The following ALOX15 variants were observed in gnomAD, a reference collection of about 807,000 sequenced individuals.
The protein encoded by ALOX15 is arachidonate 15-lipoxygenase, also known as polyunsaturated fatty acid lipoxygenase ALOX15.
A neutral mutation model predicts 71.7 loss-of-function variants in ALOX15; 68 were observed. That is an observed-to-expected ratio of 0.95 (90% CI 0.78 to 1.16). The LOEUF is 1.16. ALOX15 is among the 50% of genes most tolerant of loss of function. The pLI, the probability that ALOX15 is intolerant of heterozygous loss-of-function variation, is 0.00. For missense variants in ALOX15, 798 were observed against 818.8 expected (o/e 0.97, Z 0.31); for synonymous variants, 346 against 333.3 (o/e 1.04, Z -0.42).
chr17:4,639,200 A>T, intron 2 of ALOX15, 68 bp from the exon 3 acceptor site: 1 of 1,580,234 alleles, frequency 6.3e-7, no homozygotes, highest in Non-Finnish European at 8.7e-7. Flanking sequence ...CTGCCAGGAG[A>T]GCCTCAGCAC....
In ALOX15 at chr17:4,632,076, CAG is replaced by C. The variant is rs1910924860; in HGVS notation, c.1642-22_1642-21del. ...GTCCAGCTAAGGAAGGGCAGGGATCCAGAGTCAGTGCCTACCAAGCACGCGAG... is the reference window on the plus strand; with the variant it reads ...GTCCAGCTAAGGAAGGGCAGGGATCCAGTCAGTGCCTACCAAGCACGCGAG... On this transcript the variant is annotated intron_variant, in intron 12 of 13. Coordinates refer to ENST00000293761, the MANE Select transcript of ALOX15 (RefSeq NM_001140.5). 1 of 1,609,678 alleles carries C rather than the reference CAG, an allele frequency of 6.2e-7. No homozygotes were observed. The highest frequency in any genetic ancestry group is 1.1e-5 in the South Asian group (1 of 90,610).
rs370783110 is a variant in ALOX15 at position 4,637,232 on chromosome 17, G to A, written c.834C>T (p.Phe278=). 9 of 1,613,566 alleles carry A rather than the reference G, an allele frequency of 5.6e-6. No homozygotes were observed. The African/African-American group carries it at 9.3e-5, about 17-fold the overall frequency. ...LEGGTLFEAD[F]SLLDGIKANV... ...TGGCCTTGATCCCATCCAGCAGGGA[G>A]AAGTCAGCTTCGAACAGTGTGCCTC... The change falls in exon 7 of 14, where the codon TTC becomes TTT. Residue 278 remains phenylalanine, a synonymous_variant. Transcript: ENST00000293761.
At chr17:4,636,067 C>T (rs1911085616) in intron 7 of ALOX15, 99 bp from the exon 8 acceptor site, 1 of 1,296,666 alleles carries the variant, frequency 7.7e-7, no homozygotes, top group Non-Finnish European at 1.1e-6. Context: ...GTCCTCCAAA[C>T]CTGTTCTGCT....
chr17:4,631,489 AG>A lies in ALOX15; in HGVS notation c.*110del, dbSNP rs1910893617. On this transcript the variant is annotated 3_prime_UTR_variant, in exon 14 of 14. Coordinates refer to ENST00000293761, the MANE Select transcript of ALOX15 (RefSeq NM_001140.5). ...ACCATGAAAAGGTGCCCCTCTAGGG[AG>A]GGTGGGACATGGGAAGAGGGTGGGA... 1.5e-6 allele frequency: 2 copies of A among 1,324,944 alleles called. No homozygotes were observed. The highest frequency in any genetic ancestry group is 2.0e-6 in the Non-Finnish European group (2 of 978,304). 82.1% of individuals were successfully genotyped at this position (1,324,944 alleles called of 1,614,324 possible).
At chr17:4,633,593 C>G in intron 8 of ALOX15, 93 bp from the exon 9 acceptor site, 1 of 1,097,598 alleles carries the variant, frequency 9.1e-7, no homozygotes, top group South Asian at 1.3e-5. Flanking sequence ...GGCACCAGGT[C>G]TTCAGAAAAA....
At position 4,638,596 on chromosome 17, in the gene ALOX15, GACCAC is replaced by G. The variant is rs1567648521; in HGVS notation, c.626_630del (p.Cys209SerfsTer6). 6.2e-7 allele frequency: 1 copy of G among 1,614,104 alleles called. No homozygotes were observed. Among genetic ancestry groups the G allele is most frequent in the Non-Finnish European group, 8.5e-7 (1 of 1,180,020 alleles). ...GGGGACTGACCAGCCAGCTTGCTCT[GACCAC>G]ACCAGAAAATCCGGTTGAAGTCATC... is the stretch of plus-strand genomic sequence containing the variant. On this transcript the variant is annotated frameshift_variant, in exon 5 of 14. Coordinates refer to ENST00000293761, the MANE Select transcript of ALOX15 (RefSeq NM_001140.5). LOFTEE classifies it high-confidence loss of function.
chr17:4,631,848 A>G lies in ALOX15; in HGVS notation c.1809+41T>C, dbSNP rs113890558. 5.3e-5 allele frequency: 85 copies of G among 1,608,110 alleles called. 2 individuals carry two copies. In the African/African-American group the frequency reaches 6.9e-4, roughly 13 times the overall value. On this transcript the variant is annotated intron_variant, in intron 13 of 13. Coordinates refer to ENST00000293761, the MANE Select transcript of ALOX15 (RefSeq NM_001140.5). ...AGTCTGGGATGCCACACGTCCCCAC[A>G]GCTGCCTCCTTCCTTAGGGCCCTGG...
rs991653427 is a variant in ALOX15, at chr17:4,638,350, T to C, written c.674A>G (p.Asp225Gly). The part of the protein sequence containing the change: ...AERVRDSWKE[D>G]ALFGYQFLNG... ...AAGAAACTGGTACCCAAATAAGGCA[T>C]CTTCCTTCCAGGAGTCCCGCACGCG... Residue 225 changes from aspartate (D) to glycine (G), a missense_variant, in exon 6 of 14, where the codon GAT (aspartate) becomes GGT (glycine). By Grantham distance (94) the Asp-to-Gly change is moderately conservative. Transcript: ENST00000293761. The C allele has an allele frequency of 1.6e-5, 15 of 928,976 alleles. No homozygotes were observed. Among genetic ancestry groups the C allele is most frequent in the Non-Finnish European group, 2.5e-5 (15 of 601,876 alleles). The allele number at this position is 928,976 out of a possible 1,614,324, so 57.5% of individuals were successfully genotyped here. A position where few individuals can be genotyped will look rare whatever the true frequency, so the allele number is the denominator to read the frequency against.
At position 4,633,279 on chromosome 17, in the gene ALOX15, G is replaced by C; in HGVS notation, c.1285C>G (p.Leu429Val). The change falls in exon 10 of 14, where the codon CTC (leucine) becomes GTC (valine). Residue 429 changes from leucine (L) to valine (V), a missense_variant. This residue lies in a region of ALOX15 where 490 missense variants were observed against 509.4 expected (regional missense o/e 0.96). Coordinates refer to ENST00000293761, the MANE Select transcript of ALOX15 (RefSeq NM_001140.5). ...GTTAGGAAGGCTCCAGCTTGCTTGA[G>C]CAGCTGCACGTGGCCTCCCCCACCA... ...STGGGGHVQL[L>V]KQAGAFLTYS... The C allele has an allele frequency of 6.2e-7, 1 of 1,614,180 alleles. No homozygotes were observed. The highest frequency in any genetic ancestry group is 1.3e-5 in the African/African-American group (1 of 75,062).
intron 2 of ALOX15, 62 bp downstream of exon 2, chr17:4,639,368 C>G: frequency 6.3e-7 from 1 of 1,590,794 alleles, no homozygotes; most frequent in Admixed American, 1.7e-5. Context: ...TCTCCACACG[C>G]GCATCCCCCC....
chr17:4,637,093 C>T (rs750577187), intron 7 of ALOX15, 22 bp downstream of exon 7: 1 of 1,592,910 alleles, frequency 6.3e-7, no homozygotes, highest in Admixed American at 1.7e-5. Flanking sequence ...AGACTGGGAG[C>T]AGAAATCCTG....
In ALOX15 at chr17:4,632,351, G is replaced by A. The variant is rs1278428024; in HGVS notation, c.1541-70C>T. The A allele has an allele frequency of 8.5e-6, 11 of 1,289,716 alleles. No individual in the cohort carries two copies. In the East Asian group the frequency reaches 2.3e-4, roughly 27 times the overall value. 79.9% of individuals were successfully genotyped at this position (1,289,716 alleles called of 1,614,324 possible). On this transcript the variant is annotated intron_variant, in intron 11 of 13. Transcript: ENST00000293761. ...GGCAGCGCTCAGAGGAAGAGGCCAA[G>A]AGAGGAGAACAAGGGCGAGAAAGAG...
At chr17:4,632,757 T>G in intron 11 of ALOX15, 104 bp downstream of exon 11, 2 of 1,558,070 alleles carry the variant, frequency 1.3e-6, no homozygotes, top group East Asian at 2.3e-5. Context: ...GGAGTTCTCA[T>G]AGGTGTTGAA....
chr17:4,635,736 G>C, intron 8 of ALOX15, 23 bp downstream of exon 8: 1 of 1,612,918 alleles, frequency 6.2e-7, no homozygotes, highest in Non-Finnish European at 8.5e-7. Context: ...TGGCAGGCAA[G>C]AGAGAAGGGG....
Position 4,638,881 on chromosome 17 carries a change from T to C in ALOX15, c.511A>G (p.Arg171Gly). The change falls in exon 4 of 14, where the codon AGA becomes GGA. Residue 171 changes from arginine (R) to glycine (G), a missense_variant. Physicochemically the swap from Arg to Gly is moderately radical, Grantham distance 125 (BLOSUM62 -2). Transcript: ENST00000293761. ...GCCAGCGAAACCTCAAAGTCAACTC[T>C]CTTGTCTTCCAGAAATCGCTCATCC... ...PVDERFLEDK[R>G]VDFEVSLAKG... 6.2e-7 allele frequency: 1 copy of C among 1,614,198 alleles called. No individual in the cohort carries two copies. The highest frequency in any genetic ancestry group is 1.1e-5 in the South Asian group (1 of 91,084).
intron 8 of ALOX15, among the ~76,000 whole-genome samples, chr17:4,634,897 G>C (rs1176182239): frequency 2.6e-5 from 4 of 151,484 alleles, no homozygotes; most frequent in African/African-American, 9.7e-5. Context: ...AGAATTGCTT[G>C]AACCCAGGAG....
chr17:4,636,242 A>G (rs1265148049), intron 7 of ALOX15, among the ~76,000 whole-genome samples: 2 of 152,138 alleles, frequency 1.3e-5, no homozygotes, highest in African/African-American at 4.8e-5. Context: ...CAGTTCCCAC[A>G]GTGTGGACAA....
At position 4,630,982 on chromosome 17, in the gene ALOX15, A is replaced by G. The variant is rs1182090950; in HGVS notation, c.*618T>C. 1.3e-5 allele frequency: 2 copies of G among 152,224 alleles called. No individual in the cohort carries two copies. The highest frequency in any genetic ancestry group is 2.4e-5 in the African/African-American group (1 of 41,442). 9.4% of individuals were successfully genotyped at this position (152,224 alleles called of 1,614,324 possible). On this transcript the variant is annotated 3_prime_UTR_variant, in exon 14 of 14. Coordinates refer to ENST00000293761, the MANE Select transcript of ALOX15 (RefSeq NM_001140.5). Reference sequence around the variant, plus strand: ...AGTTCTTTTCCATCTTTAGCGTAAAACAACTTTTTATTATTGTTAAACTCA... The same window carrying G: ...AGTTCTTTTCCATCTTTAGCGTAAAGCAACTTTTTATTATTGTTAAACTCA...
Position 4,632,220 on chromosome 17 carries a change from G to A in ALOX15, c.1602C>T (p.Phe534=). Residue 534 remains phenylalanine, a synonymous_variant, in exon 12 of 14, where the codon TTC becomes TTT. Transcript: ENST00000293761. ...CAGAGGCGTGTTGGCCGGTGCAGGT[G>A]AAGATACACATGGTGACAAAGTGGC... The part of the protein sequence containing the change: ...QVCHFVTMCI[F]TCTGQHASVH... The A allele has an allele frequency of 6.2e-7, 1 of 1,614,222 alleles. No individual in the cohort carries two copies. The highest frequency in any genetic ancestry group is 8.5e-7 in the Non-Finnish European group (1 of 1,180,042).
Sources: gnomAD v4.1 joint callset for allele counts (sites outside exome capture counted in the v4.1 genomes callset) on GRCh38, gnomAD v4.1.1 for gene constraint, gnomAD v4.1.1 regional missense constraint, MANE v1.5 for transcripts, NCBI Gene and HGNC (gene_info 2026-07-23, HGNC 2026-07-21) for gene names.